The following VPS35 variants were observed in gnomAD, a reference collection of about 807,000 sequenced individuals.
VPS35 encodes vacuolar protein sorting-associated protein 35.
Under a neutral mutation model 98.1 loss-of-function variants are expected in VPS35, and 21 were observed. The observed-to-expected ratio is 0.21, with a 90% CI of 0.15 to 0.31. The LOEUF (loss-of-function observed/expected upper bound fraction) is 0.31. Ranked by LOEUF, VPS35 falls within the 10% of genes least tolerant of loss-of-function variation. The pLI is 1.00. For missense variants in VPS35, 554 were observed against 950.8 expected, an observed-to-expected ratio of 0.58 and a Z score of 5.49; for synonymous variants, 268 against 318.2, an observed-to-expected ratio of 0.84 and a Z score of 1.68.
rs1471375101 is a variant in VPS35 at position 46,657,938 on chromosome 16, G to C, written c.*2534C>G. On this transcript the variant is annotated 3_prime_UTR_variant, in exon 17 of 17. Transcript: ENST00000299138. ...CCCAATTAAGGACAGGTACTTTTTTGTAAGACACAATAAAAATTACTAAAA... is the reference window on the plus strand; with the variant it reads ...CCCAATTAAGGACAGGTACTTTTTTCTAAGACACAATAAAAATTACTAAAA... The C allele has an allele frequency of 6.6e-6, 1 of 152,010 alleles. No individual in the cohort carries two copies. Among genetic ancestry groups the C allele is most frequent in the African/African-American group, 2.4e-5 (1 of 41,380 alleles). The allele number at this position is 152,010 out of a possible 1,614,324, so 9.4% of individuals were successfully genotyped here. A position where few individuals can be genotyped will look rare whatever the true frequency, so the allele number is the denominator to read the frequency against.
At chr16:46,681,032 T>TATAC (rs1555466317) in intron 4 of VPS35, among the ~76,000 whole-genome samples, 179 bp from the exon 5 acceptor site, 2 of 142,008 alleles carry the variant, frequency 1.4e-5, no homozygotes, top group Non-Finnish European at 3.1e-5. Flanking sequence ...AAAAAAACTA[T>TATAC]ACACACACAC....
At chr16:46,683,477 G>A (rs1966263888) in intron 2 of VPS35, 31 bp downstream of exon 2, 2 of 1,597,164 alleles carry the variant, frequency 1.3e-6, no homozygotes, top group Non-Finnish European at 1.7e-6. Flanking sequence ...CACACGAACT[G>A]CAACTGTGCC....
Position 46,660,838 on chromosome 16 carries a change from A to AAC in VPS35, c.2212-189_2212-188dup, listed in dbSNP as rs1555522907. The AAC allele has an allele frequency of 4.4e-6, 3 of 676,364 alleles. No homozygotes were observed. The South Asian group carries it at 4.7e-5, about 10-fold the overall frequency. 41.9% of individuals were successfully genotyped at this position (676,364 alleles called of 1,614,324 possible). On this transcript the variant is annotated intron_variant, in intron 16 of 16. Transcript: ENST00000299138. The stretch of plus-strand genomic sequence containing the variant: ...TGACTATCAAAAAAAAAAAAAAAAA[A>AAC]ACAACCCTTTAAAACAAGCAAAATT...
Position 46,663,024 on chromosome 16 carries a change from A to T in VPS35, c.1786T>A (p.Phe596Ile). ...QGALAAGEIG[F>I]ENHETVAYEF... ...TATGCGACTGTCTCATGATTTTCAA[A>T]ACCAATTTCCCCAGCAGCTAGTGCT... Residue 596 changes from phenylalanine (F) to isoleucine (I), a missense_variant, in exon 14 of 17, where the codon TTT becomes ATT. This residue lies in a region of VPS35 where 254 missense variants were observed against 390.1 expected (regional missense o/e 0.65). Coordinates refer to ENST00000299138, the MANE Select transcript of VPS35 (RefSeq NM_018206.6). 6.2e-7 allele frequency: 1 copy of T among 1,614,214 alleles called. No individual in the cohort carries two copies. Among genetic ancestry groups the T allele is most frequent in the Non-Finnish European group, 8.5e-7 (1 of 1,180,032 alleles).
chr16:46,665,674 T>C (rs967545143), intron 13 of VPS35, among the ~76,000 whole-genome samples: 1 of 152,098 alleles, frequency 6.6e-6, no homozygotes, highest in South Asian at 2.1e-4. Flanking sequence ...AGTAAATAAG[T>C]AAAGGCTAGT....
At chr16:46,685,161 TTTG>T (rs1210797723) in intron 1 of VPS35, among the ~76,000 whole-genome samples, 3 of 152,236 alleles carry the variant, frequency 2.0e-5, no homozygotes, top group South Asian at 2.1e-4. Context: ...TGGTTAATTT[TTTG>T]TTATGTCATT....
chr16:46,688,537 A>T (rs940946820), intron 1 of VPS35: 1 of 990,832 alleles, frequency 1.0e-6, no homozygotes, highest in Non-Finnish European at 1.2e-6. Flanking sequence ...GACCGTCAGG[A>T]TTAGAAGACA....
At chr16:46,686,887 G>A (rs973364616) in intron 1 of VPS35, among the ~76,000 whole-genome samples, 1 of 152,176 alleles carries the variant, frequency 6.6e-6, no homozygotes, top group Non-Finnish European at 1.5e-5. Context: ...GCCCTCTCAA[G>A]TCTACAGTTC....
chr16:46,674,711 A>G (rs773736342), intron 8 of VPS35, 51 bp from the exon 9 acceptor site: 2 of 1,421,054 alleles, frequency 1.4e-6, no homozygotes, highest in South Asian at 2.5e-5. Flanking sequence ...GGGTTTGGGT[A>G]GTGAGATCAT....
intron 5 of VPS35, 34 bp downstream of exon 5, chr16:46,680,637 T>A: frequency 6.2e-7 from 1 of 1,605,358 alleles, no homozygotes; most frequent in Non-Finnish European, 8.5e-7. Context: ...ATGAAAGAAA[T>A]ATTGCAACAA....
In VPS35 at chr16:46,678,936, T is replaced by C. The variant is rs373646460; in HGVS notation, c.720+7A>G. ...AACATAAGAAGAGGTAACAAAAATATATAAACCTGTTTGTAACGTTCCACA... is the reference window on the plus strand; with the variant it reads ...AACATAAGAAGAGGTAACAAAAATACATAAACCTGTTTGTAACGTTCCACA... On this transcript the variant is annotated splice_region_variant and intron_variant, in intron 6 of 16. Transcript: ENST00000299138. 21 of 1,613,842 alleles carry C rather than the reference T, an allele frequency of 1.3e-5. No individual in the cohort carries two copies. The highest frequency in any genetic ancestry group is 1.8e-5 in the Non-Finnish European group (21 of 1,179,904).
At chr16:46,669,851 T>C (rs1280552005) in intron 12 of VPS35, among the ~76,000 whole-genome samples, 1 of 152,180 alleles carries the variant, frequency 6.6e-6, no homozygotes, top group Non-Finnish European at 1.5e-5. Context: ...GTGACACATG[T>C]GAAGGCTTAC....
Position 46,663,111 on chromosome 16 carries a change from T to A in VPS35, c.1699A>T (p.Thr567Ser). 1 of 1,614,200 alleles carries A rather than the reference T, an allele frequency of 6.2e-7. No homozygotes were observed. Among genetic ancestry groups the A allele is most frequent in the South Asian group, 1.1e-5 (1 of 91,074 alleles). ...TCTGCTTTGATCAAAGCACTGATAG[T>A]CTGGTGGGCAAATGAAAAAATCTTC... ...CQKIFSFAHQ[T>S]ISALIKAELA... is the part of the protein sequence containing the mutation. Residue 567 changes from threonine to serine, a missense_variant, in exon 14 of 17, where the codon ACT (threonine) becomes TCT (serine). Physicochemically the swap from Thr to Ser is moderately conservative, Grantham distance 58. Around this residue, in one of 5 missense-constraint regions of VPS35, gnomAD observed 254 missense variants for 390.1 expected, o/e 0.65. Transcript: ENST00000299138.
At chr16:46,677,446 C>T (rs1966168954) in intron 6 of VPS35, 48 bp from the exon 7 acceptor site, 1 of 1,506,040 alleles carries the variant, frequency 6.6e-7, no homozygotes, top group Non-Finnish European at 9.2e-7. Flanking sequence ...TTTTCAAAAT[C>T]TTAAGCTATT....
At chr16:46,666,120 T>C (rs1567263283) in intron 13 of VPS35, among the ~76,000 whole-genome samples, 1 of 151,822 alleles carries the variant, frequency 6.6e-6, no homozygotes, top group Non-Finnish European at 1.5e-5. Context: ...GCCAGGCTGG[T>C]CTCAAACTCC....
At chr16:46,676,248 C>A (rs1966151524) in intron 8 of VPS35, among the ~76,000 whole-genome samples, 1 of 152,056 alleles carries the variant, frequency 6.6e-6, no homozygotes, top group Admixed American at 6.6e-5. Flanking sequence ...ATACTTACAT[C>A]ATGGTAAAAA....
At position 46,660,592 on chromosome 16, in the gene VPS35, A is replaced by G. The variant is rs1490197908; in HGVS notation, c.2271T>C (p.Leu757=). Residue 757 remains leucine (L), a synonymous_variant, in exon 17 of 17, where the codon CTT becomes CTC. Transcript: ENST00000299138. ...TCTGCTCTGTTTCTTCACTGGATTC[A>G]AGATTCGGGAGGTCTTCTCGAATCT... ...IQKIREDLPN[L]ESSEETEQIN... is the part of the protein sequence containing the mutation. 7 of 1,614,082 alleles carry G rather than the reference A, an allele frequency of 4.3e-6. No individual in the cohort carries two copies. Among genetic ancestry groups the G allele is most frequent in the Admixed American group, 1.7e-5 (1 of 60,002 alleles).
At chr16:46,672,142 A>T in intron 11 of VPS35, 123 bp downstream of exon 11, 1 of 879,280 alleles carries the variant, frequency 1.1e-6, no homozygotes, top group East Asian at 2.7e-5. Flanking sequence ...TTATATAATG[A>T]AAAAGTTACT....
rs1965933251 is a variant in VPS35, at chr16:46,662,848, C to G, written c.1827+135G>C. 7.3e-6 allele frequency: 7 copies of G among 956,576 alleles called. No individual in the cohort carries two copies. The South Asian group carries it at 8.5e-5, about 12-fold the overall frequency. 59.3% of individuals were successfully genotyped at this position (956,576 alleles called of 1,614,324 possible). A position where few individuals can be genotyped will look rare whatever the true frequency, so the allele number is the denominator to read the frequency against. On this transcript the variant is annotated intron_variant, in intron 14 of 16. Transcript: ENST00000299138. ...ATTACAACAATAATATTAACAGGTT[C>G]CATGATGGTGGGAAGGTGGTAGTTA...
Sources: allele counts gnomAD v4.1 joint callset (sites outside exome capture counted in the v4.1 genomes callset), GRCh38; gene constraint gnomAD v4.1.1; regional missense constraint gnomAD v4.1.1; transcripts MANE v1.5; gene names NCBI Gene and HGNC (gene_info 2026-07-23, HGNC 2026-07-21).